MYLK: variants seen among roughly 807,000 people sequenced by gnomAD.
MYLK encodes myosin light chain kinase.
A neutral mutation model predicts 203.4 loss-of-function variants in MYLK; 106 were observed. The ratio of observed to expected loss-of-function variants is 0.52; its 90% CI spans 0.45 to 0.61. The LOEUF (loss-of-function observed/expected upper bound fraction) is 0.61, where lower values mean the gene tolerates loss of function less well. Among genes scored for constraint, MYLK ranks in the 20% least tolerant of loss-of-function variants. The probability of loss-of-function intolerance (pLI) is 0.00; values close to 1 mark genes in which losing one functional copy is unlikely to be tolerated. For missense variants in MYLK, 2,072 were observed against 2,442.3 expected, an observed-to-expected ratio of 0.85 and a Z score of 3.20; for synonymous variants, 867 against 959.5, an observed-to-expected ratio of 0.90 and a Z score of 1.78.
intron 27 of MYLK, among the ~76,000 whole-genome samples, chr3:123,641,231 A>G (rs970643505): frequency 1.3e-5 from 2 of 152,138 alleles, no homozygotes; most frequent in Non-Finnish European, 2.9e-5. Flanking sequence ...TCTGCTAGGG[A>G]CTGCCCCGGG....
rs540302260 is a variant in MYLK, at chr3:123,640,933, A to G, written c.4620-429T>C. ...GTTCAAAATACTCACAGTTCCCACA[A>G]GCATTTGTTCTGCATAGCCAGGAAC... is the stretch of plus-strand genomic sequence containing the variant. On this transcript the variant is annotated intron_variant, in intron 27 of 33. Transcript: ENST00000360304. This position sits in a 1 kb window ranked among gnomAD's most constrained non-coding sequence, Gnocchi z 4.3. 4.1e-4 allele frequency among the ~76,000 whole-genome samples: 63 copies of G among 152,370 alleles called. No individual in the cohort carries two copies. The South Asian group carries it at 5.0e-3, about 12-fold the overall frequency.
At chr3:123,628,476 A>G (rs2058263192) in intron 30 of MYLK, among the ~76,000 whole-genome samples, 1 of 152,092 alleles carries the variant, frequency 6.6e-6, no homozygotes, top group Non-Finnish European at 1.5e-5. Context: ...CAAGGCTACA[A>G]CTGCTCCCTG....
intron 19 of MYLK, among the ~76,000 whole-genome samples, chr3:123,685,254 C>T (rs2060410219): frequency 6.6e-6 from 1 of 152,302 alleles, no homozygotes; most frequent in Non-Finnish European, 1.5e-5. Context: ...TGTTTTGACG[C>T]CCAAAGGAGA....
chr3:123,663,866 T>C (rs1324826608), intron 23 of MYLK, among the ~76,000 whole-genome samples: 1 of 152,136 alleles, frequency 6.6e-6, no homozygotes, highest in Non-Finnish European at 1.5e-5. Context: ...GAGGTGTTGA[T>C]AGAGACAGGG....
chr3:123,858,521 T>G (rs6779927), intron 2 of MYLK, among the ~76,000 whole-genome samples: 14,565 of 152,078 alleles, frequency 0.096, 1,664 homozygotes, highest in East Asian at 0.45. Context: ...TTCCTGCTGG[T>G]GGGGACTCTT....
rs1302984486 is a variant in MYLK at position 123,884,240 on chromosome 3, C to A, written c.-220G>T. 6.7e-6 allele frequency: 1 copy of A among 149,674 alleles called. No homozygotes were observed. The highest frequency in any genetic ancestry group is 2.4e-5 in the African/African-American group (1 of 41,176). The allele number at this position is 149,674 out of a possible 1,614,324, so 9.3% of individuals were successfully genotyped here. A position where few individuals can be genotyped will look rare whatever the true frequency, so the allele number is the denominator to read the frequency against. The stretch of plus-strand genomic sequence containing the variant: ...GAAGGCGGCCCGGGAGCCGGGGCAC[C>A]GGCGCTCGGCGGGGCGCCCCGGCCG... On this transcript the variant is annotated 5_prime_UTR_variant, in exon 1 of 34. Coordinates refer to ENST00000360304, the MANE Select transcript of MYLK (RefSeq NM_053025.4).
At chr3:123,835,183 C>T (rs1025847739) in intron 2 of MYLK, among the ~76,000 whole-genome samples, 1 of 152,190 alleles carries the variant, frequency 6.6e-6, no homozygotes, top group Non-Finnish European at 1.5e-5. Context: ...TTGGGTCCTA[C>T]CCCAGACCTG....
At chr3:123,666,853 G>A (rs926743234) in intron 21 of MYLK, 71 of 588,384 alleles carry the variant, frequency 1.2e-4, no homozygotes, top group African/African-American at 9.1e-4. Context: ...GGCAGAATTC[G>A]TAGAAGGGGC....
intron 3 of MYLK, among the ~76,000 whole-genome samples, chr3:123,796,561 CCAAA>C (rs2064994629): frequency 6.6e-6 from 1 of 152,136 alleles, no homozygotes; most frequent in South Asian, 2.1e-4. Context: ...AATGTTTGCA[CCAAA>C]CAAAGGTCTT....
intron 8 of MYLK, 29 bp downstream of exon 8, chr3:123,737,349 T>C: frequency 1.9e-6 from 3 of 1,613,988 alleles, no homozygotes; most frequent in Non-Finnish European, 2.5e-6. Flanking sequence ...GCAGGGATCG[T>C]TCTGCACTAG....
intron 4 of MYLK, among the ~76,000 whole-genome samples, chr3:123,791,696 C>A (rs1055549220): frequency 6.6e-6 from 1 of 152,132 alleles, no homozygotes; most frequent in Non-Finnish European, 1.5e-5. Context: ...GACATATAGT[C>A]CACATGTAAT....
At position 123,739,993 on chromosome 3, in the gene MYLK, C is replaced by T. The variant is rs147840022; in HGVS notation, c.382G>A (p.Ala128Thr). 1,032 of 1,613,838 alleles carry T rather than the reference C, an allele frequency of 6.4e-4. 15 individuals carry two copies. In the South Asian group the frequency reaches 9.6e-3, roughly 15 times the overall value. Residue 128 changes from alanine (A) to threonine (T), a missense_variant, in exon 6 of 34, where the codon GCG becomes ACG. Around this residue, in one of 3 missense-constraint regions of MYLK, gnomAD observed 683 missense variants for 643.8 expected, o/e 1.06. Transcript: ENST00000360304. ...ACAACAGGCTGACCAAGCTGCTTCG[C>T]AAAACTTCCTGCAAGAAAAAGAGTT... The part of the protein sequence containing the change: ...TVELTVEGSF[A>T]KQLGQPVVSK...
intron 19 of MYLK, among the ~76,000 whole-genome samples, chr3:123,685,505 A>G (rs2060418839): frequency 1.3e-5 from 2 of 151,362 alleles, no homozygotes; most frequent in African/African-American, 4.9e-5. Context: ...AGGTGGGAGG[A>G]TCACCTGAGC....
At chr3:123,646,249 T>A (rs971061301) in intron 27 of MYLK, among the ~76,000 whole-genome samples, 4 of 152,238 alleles carry the variant, frequency 2.6e-5, no homozygotes, top group Non-Finnish European at 5.9e-5. Flanking sequence ...TGTGTCTGTA[T>A]ACACTTATAT....
chr3:123,657,077 C>A, intron 24 of MYLK, 49 bp downstream of exon 24: 2 of 1,597,674 alleles, frequency 1.3e-6, no homozygotes, highest in South Asian at 2.2e-5. Flanking sequence ...TACACAAGGT[C>A]AGTCACGCAC....
chr3:123,820,084 G>A (rs1405029923), intron 3 of MYLK, among the ~76,000 whole-genome samples: 1 of 152,146 alleles, frequency 6.6e-6, no homozygotes, highest in Non-Finnish European at 1.5e-5. Context: ...ATCCTTCACT[G>A]AGAGCACAGA....
chr3:123,810,209 G>A (rs1326328385), intron 3 of MYLK, among the ~76,000 whole-genome samples: 1 of 152,216 alleles, frequency 6.6e-6, no homozygotes, highest in East Asian at 1.9e-4. Context: ...CATAAGTGCT[G>A]TAGGTGAAAC....
intron 11 of MYLK, among the ~76,000 whole-genome samples, chr3:123,729,099 G>A (rs1010415405): frequency 2.6e-5 from 4 of 152,118 alleles, no homozygotes; most frequent in Admixed American, 6.5e-5. Context: ...CTGTGAGCCT[G>A]CCCAGGAAAG....
At position 123,858,014 on chromosome 3, in the gene MYLK, C is replaced by T. The variant is rs114873867; in HGVS notation, c.-127+18545G>A. On this transcript the variant is annotated intron_variant, in intron 2 of 33. Transcript: ENST00000360304. ...TCTCAGCCACGGGCATAATGTAAAC[C>T]GAAGGACAAAGGACTTTTGGGTACC... Among the ~76,000 whole-genome samples the T allele has an allele frequency of 3.3e-3, 503 of 152,186 alleles. 1 individual carries two copies. Among genetic ancestry groups the T allele is most frequent in the African/African-American group, 0.012 (483 of 41,528 alleles).
Sources: gnomAD v4.1 joint callset for allele counts (sites outside exome capture counted in the v4.1 genomes callset) on GRCh38, gnomAD v4.1.1 for gene constraint, gnomAD v4.1.1 regional missense constraint, Gnocchi (gnomAD v3.1) non-coding constraint, MANE v1.5 for transcripts, NCBI Gene and HGNC (gene_info 2026-07-23, HGNC 2026-07-21) for gene names.